ASAH1: variants seen among roughly 807,000 people sequenced by gnomAD.
The protein encoded by ASAH1 is acid ceramidase.
Under a neutral mutation model 59.5 loss-of-function variants are expected in ASAH1, and 70 were observed. The observed-to-expected ratio is 1.18, with a 90% CI of 0.97 to 1.43. ASAH1 has a LOEUF of 1.43. ASAH1 is among the 40% of genes most tolerant of loss of function. The pLI is 0.00. For missense variants in ASAH1, 660 were observed against 482.5 expected (o/e 1.37, Z -3.45); for synonymous variants, 213 against 166.5 (o/e 1.28, Z -2.15).
chr8:18,069,656 G>A lies in ASAH1; in HGVS notation c.303+136C>T, dbSNP rs569744726. 21 of 643,768 alleles carry A rather than the reference G, an allele frequency of 3.3e-5. No individual in the cohort carries two copies. The East Asian group carries it at 5.3e-4, about 16-fold the overall frequency. The allele number at this position is 643,768 out of a possible 1,614,324, so 39.9% of individuals were successfully genotyped here. ...CAATTCCCCAAATTTAAGTCCCTCT[G>A]AAGTTCTGACAGTGAGCTAGATTCA... On this transcript the variant is annotated intron_variant, in intron 4 of 13. Transcript: ENST00000637790.
chr8:18,056,865 G>C lies in ASAH1; in HGVS notation c.*669C>G, dbSNP rs1008414296. The C allele has an allele frequency of 6.6e-6, 1 of 152,090 alleles. No homozygotes were observed. The highest frequency in any genetic ancestry group is 1.5e-5 in the Non-Finnish European group (1 of 68,052). 9.4% of individuals were successfully genotyped at this position (152,090 alleles called of 1,614,324 possible). ...GGAAGTAGAGTAATTATGAAAAAGG[G>C]AACACTTCAATTATTGTATAAAAGA... On this transcript the variant is annotated 3_prime_UTR_variant, in exon 14 of 14. Coordinates refer to ENST00000637790, the MANE Select transcript of ASAH1 (RefSeq NM_177924.5).
At chr8:18,075,254 A>G (rs534122822) in intron 2 of ASAH1, among the ~76,000 whole-genome samples, 4 of 152,164 alleles carry the variant, frequency 2.6e-5, no homozygotes, top group Admixed American at 6.5e-5. Flanking sequence ...CGGCCTCCCA[A>G]AGTGCTGGGA....
upstream of ASAH1, chr8:18,084,274 C>G (rs764427341): frequency 1.6e-4 from 230 of 1,441,650 alleles, 1 homozygote; most frequent in South Asian, 3.2e-4. Flanking sequence ...AGAGAGAGAG[C>G]CTTCCAGGCT....
intron 4 of ASAH1, chr8:18,069,314 G>A (rs374632721): frequency 6.3e-6 from 1 of 158,912 alleles, no homozygotes; most frequent in East Asian, 1.8e-4. Context: ...TGCATGATGA[G>A]GATGAAAATG....
rs1800372058 is a variant in ASAH1 at position 18,075,597 on chromosome 8, A to G, written c.79-10T>C. ...TGCAGTCCTCTGTCCACTGAAAAGC[A>G]AAGAAAATTAAGTTTCAGAAAATAA... On this transcript the variant is annotated splice_polypyrimidine_tract_variant and intron_variant, in intron 1 of 13. Coordinates refer to ENST00000637790, the MANE Select transcript of ASAH1 (RefSeq NM_177924.5). The G allele has an allele frequency of 1.9e-6, 3 of 1,613,756 alleles. No homozygotes were observed. Among genetic ancestry groups the G allele is most frequent in the Non-Finnish European group, 2.5e-6 (3 of 1,179,910 alleles).
chr8:18,059,689 T>C lies in ASAH1; in HGVS notation c.800A>G (p.Lys267Arg). Residue 267 changes from lysine to arginine, a missense_variant, in exon 11 of 14, where the codon AAG becomes AGG. Transcript: ENST00000637790. ...LENSTSYEEAKNLLTKTKILA... is the reference protein window; with the variant it reads ...LENSTSYEEARNLLTKTKILA... ...TATCTTGGTCTTGGTCAATAAATTC[T>C]TGGCTTCTTCATAACTATATAGAAA... 6.2e-7 allele frequency: 1 copy of C among 1,614,194 alleles called. No homozygotes were observed. Among genetic ancestry groups the C allele is most frequent in the South Asian group, 1.1e-5 (1 of 91,082 alleles).
At chr8:18,082,820 C>T (rs1440418640) in intron 1 of ASAH1, among the ~76,000 whole-genome samples, 1 of 152,178 alleles carries the variant, frequency 6.6e-6, no homozygotes, top group African/African-American at 2.4e-5. Context: ...AGGGCCCTGA[C>T]AGTATCAAAG....
At chr8:18,070,342 G>A (rs1169502708) in intron 3 of ASAH1, among the ~76,000 whole-genome samples, 1 of 152,144 alleles carries the variant, frequency 6.6e-6, no homozygotes, top group African/African-American at 2.4e-5. Context: ...TAGAGACGGG[G>A]TTTCACCATC....
intron 2 of ASAH1, among the ~76,000 whole-genome samples, chr8:18,073,628 T>C (rs915605476): frequency 1.3e-5 from 2 of 152,232 alleles, no homozygotes; most frequent in African/African-American, 4.8e-5. Context: ...AGCATTGATT[T>C]GACTAGTCAT....
rs779529827 is a variant in ASAH1 at position 18,057,610 on chromosome 8, G to A, written c.1112C>T (p.Thr371Ile). 1 of 1,602,116 alleles carries A rather than the reference G, an allele frequency of 6.2e-7. No individual in the cohort carries two copies. Among genetic ancestry groups the A allele is most frequent in the Non-Finnish European group, 8.5e-7 (1 of 1,172,226 alleles). The change falls in exon 14 of 14, where the codon ACA (threonine) becomes ATA (isoleucine). Residue 371 changes from threonine to isoleucine, a missense_variant. Coordinates refer to ENST00000637790, the MANE Select transcript of ASAH1 (RefSeq NM_177924.5). Reference protein sequence around the residue: ...KPVLNKLTVYTTLIDVTKGQF... With the variant: ...KPVLNKLTVYITLIDVTKGQF... Reference sequence around the variant, plus strand: ...ACCTTTGGTAACATCTATCAAGGTTGTGTATACGGTCAGCTGAAAGAAAAG... The same window carrying A: ...ACCTTTGGTAACATCTATCAAGGTTATGTATACGGTCAGCTGAAAGAAAAG...
At chr8:18,082,884 T>G (rs1319418013) in intron 1 of ASAH1, among the ~76,000 whole-genome samples, 1 of 151,662 alleles carries the variant, frequency 6.6e-6, no homozygotes, top group East Asian at 1.9e-4. Context: ...GCAAATTAAT[T>G]CCCTACCCAC....
At chr8:18,063,266 A>G (rs201855748) in intron 6 of ASAH1, 36 bp from the exon 7 acceptor site, 1 of 1,541,234 alleles carries the variant, frequency 6.5e-7, no homozygotes, top group Non-Finnish European at 9.0e-7. Context: ...GTGTAATAGC[A>G]GTTAAGATTC....
At chr8:18,082,066 A>G (rs1223673012) in intron 1 of ASAH1, among the ~76,000 whole-genome samples, 1 of 152,250 alleles carries the variant, frequency 6.6e-6, no homozygotes, top group East Asian at 1.9e-4. Flanking sequence ...CCATACAATC[A>G]GAGTAAAGAT....
intron 1 of ASAH1, among the ~76,000 whole-genome samples, chr8:18,077,789 G>C (rs373978101): frequency 5.9e-5 from 9 of 152,224 alleles, no homozygotes; most frequent in African/African-American, 2.2e-4. Context: ...GAGACTTATA[G>C]GGGTTGCAAC....
chr8:18,060,959 C>A, intron 10 of ASAH1: 1 of 183,948 alleles, frequency 5.4e-6, no homozygotes, highest in Non-Finnish European at 1.1e-5. Flanking sequence ...CGCCATGTTG[C>A]TCAGACTGGT....
intron 13 of ASAH1, chr8:18,058,073 A>C (rs1799544387): frequency 6.5e-6 from 1 of 154,440 alleles, no homozygotes; most frequent in Non-Finnish European, 1.4e-5. Flanking sequence ...CATTTCCAAT[A>C]CAGTGGGGGA....
Position 18,073,807 on chromosome 8 carries a change from A to G in ASAH1, c.125+1734T>C, listed in dbSNP as rs192060457. ...CCTAAATCTCAAGATCCATTGATAG[A>G]GTTGAGAGAAGAGAAGGATAAGAGC... On this transcript the variant is annotated intron_variant, in intron 2 of 13. Coordinates refer to ENST00000637790, the MANE Select transcript of ASAH1 (RefSeq NM_177924.5). Among the ~76,000 whole-genome samples the G allele has an allele frequency of 2.6e-5, 4 of 152,348 alleles. No individual in the cohort carries two copies. In the East Asian group the frequency reaches 5.8e-4, roughly 22 times the overall value.
intron 1 of ASAH1, among the ~76,000 whole-genome samples, chr8:18,078,473 T>G (rs1002634832): frequency 6.6e-6 from 1 of 152,164 alleles, no homozygotes; most frequent in Non-Finnish European, 1.5e-5. Flanking sequence ...TTGGCAGCTA[T>G]GAGACTACAG....
intron 1 of ASAH1, among the ~76,000 whole-genome samples, chr8:18,079,581 T>C (rs193152923): frequency 6.6e-6 from 1 of 152,286 alleles, no homozygotes; most frequent in Non-Finnish European, 1.5e-5. Context: ...TAATGTATGC[T>C]TCTAATAGTG....
Sources: allele counts gnomAD v4.1 joint callset (sites outside exome capture counted in the v4.1 genomes callset), GRCh38; gene constraint gnomAD v4.1.1; transcripts MANE v1.5; gene names NCBI Gene and HGNC (gene_info 2026-07-23, HGNC 2026-07-21).